Variants in XNDC1N observed in about 807,000 individuals in gnomAD.
XNDC1N encodes protein XNDC1N.
the XNDC1N span, chr11:71,915,974 CG>C: frequency 1.6e-6 from 1 of 630,470 alleles, no homozygotes; most frequent in South Asian, 1.8e-5. Context: ...TGTGTGTGTA[CG>C]TGTGTGTGTG....
chr11:71,898,324 T>G, the XNDC1N span, among the ~76,000 whole-genome samples: 2 of 152,052 alleles, frequency 1.3e-5, no homozygotes, highest in East Asian at 1.9e-4. Flanking sequence ...AGGATAAACA[T>G]GCCCAGTCTC....
At chr11:71,912,700 G>GT in the XNDC1N span, among the ~76,000 whole-genome samples, 1 of 152,080 alleles carries the variant, frequency 6.6e-6, no homozygotes, top group Admixed American at 6.5e-5. Flanking sequence ...CCCCTTTCAT[G>GT]TTTGATATCA....
the XNDC1N span, chr11:71,893,872 A>T: frequency 2.2e-6 from 2 of 916,566 alleles, no homozygotes; most frequent in Non-Finnish European, 3.1e-6. Context: ...CTACCCAGTC[A>T]TCGTGAATCC....
chr11:71,871,112 A>T, the XNDC1N span, among the ~76,000 whole-genome samples: 2 of 152,228 alleles, frequency 1.3e-5, no homozygotes, highest in Non-Finnish European at 2.9e-5. Flanking sequence ...GCAATAGTCA[A>T]GTTTTGGAAT....
At chr11:71,866,690 G>C in the XNDC1N span, among the ~76,000 whole-genome samples, 2 of 152,022 alleles carry the variant, frequency 1.3e-5, no homozygotes, top group African/African-American at 2.4e-5. Flanking sequence ...CTTAAACCCA[G>C]GAGGGAGAGG....
At chr11:71,895,090 C>T in the XNDC1N span, among the ~76,000 whole-genome samples, 1 of 149,056 alleles carries the variant, frequency 6.7e-6, no homozygotes, top group African/African-American at 2.5e-5. Context: ...ATTCTGATTT[C>T]CTTGCACCTG....
the XNDC1N span, among the ~76,000 whole-genome samples, chr11:71,896,737 A>G: frequency 0.35 from 52,865 of 151,810 alleles, 11,541 homozygotes; most frequent in South Asian, 0.51. Context: ...CTAATGTTGT[A>G]TTTCTGGTAG....
chr11:71,917,755 A>T, the XNDC1N span: 1 of 703,310 alleles, frequency 1.4e-6, no homozygotes, highest in Non-Finnish European at 2.6e-6. Flanking sequence ...ATCAATTTGC[A>T]GGAACGCACA....
the XNDC1N span, chr11:71,927,811 T>A: frequency 6.6e-6 from 1 of 152,346 alleles, no homozygotes; most frequent in Non-Finnish European, 1.5e-5. Context: ...ATTCTCCGTA[T>A]TAAGTGTCAC....
the XNDC1N span, among the ~76,000 whole-genome samples, chr11:71,887,126 T>G: frequency 1.3e-5 from 2 of 152,182 alleles, no homozygotes; most frequent in Non-Finnish European, 2.9e-5. Flanking sequence ...CTGGTCACAA[T>G]GACAGTCGGG....
At chr11:71,894,944 T>C in the XNDC1N span, among the ~76,000 whole-genome samples, 3 of 152,222 alleles carry the variant, frequency 2.0e-5, no homozygotes, top group African/African-American at 7.2e-5. Flanking sequence ...ATGTGGAATT[T>C]CTTTATAAAC....
the XNDC1N span, among the ~76,000 whole-genome samples, chr11:71,867,121 TACTATGA>T: frequency 6.6e-6 from 1 of 151,922 alleles, no homozygotes; most frequent in Non-Finnish European, 1.5e-5. Context: ...TAAAGAGCAA[TACTATGA>T]ACACTAAAGC....
chr11:71,869,703 C>T, the XNDC1N span, among the ~76,000 whole-genome samples: 5 of 152,146 alleles, frequency 3.3e-5, no homozygotes, highest in African/African-American at 9.7e-5. Context: ...TCCTGAATCT[C>T]GATGATCTTC....
chr11:71,873,989 A>G, the XNDC1N span, among the ~76,000 whole-genome samples: 1 of 152,160 alleles, frequency 6.6e-6, no homozygotes, highest in Non-Finnish European at 1.5e-5. Flanking sequence ...CAATGGTGCA[A>G]TGACAGGGGA....
chr11:71,882,769 T>C, the XNDC1N span, among the ~76,000 whole-genome samples: 3 of 152,170 alleles, frequency 2.0e-5, no homozygotes, highest in African/African-American at 7.2e-5. Flanking sequence ...GAAAAGGAAA[T>C]AAATGGCATC....
chr11:71,879,456 G>C, the XNDC1N span, among the ~76,000 whole-genome samples: 2 of 152,106 alleles, frequency 1.3e-5, no homozygotes, highest in African/African-American at 4.8e-5. Context: ...TTAGATTACT[G>C]GTTGACTTAT....
At chr11:71,876,555 T>C in the XNDC1N span, among the ~76,000 whole-genome samples, 2 of 152,202 alleles carry the variant, frequency 1.3e-5, no homozygotes, top group Admixed American at 1.3e-4. Flanking sequence ...TCCAAATCTC[T>C]TAGGTTGGTG....
At chr11:71,868,518 T>A in the XNDC1N span, among the ~76,000 whole-genome samples, 1 of 152,228 alleles carries the variant, frequency 6.6e-6, no homozygotes, top group Admixed American at 6.5e-5. Flanking sequence ...AAAAGGATTT[T>A]ATTTCTCCTT....
chr11:71,911,531 C>G, the XNDC1N span, among the ~76,000 whole-genome samples: 2 of 152,194 alleles, frequency 1.3e-5, no homozygotes, highest in African/African-American at 4.8e-5. Context: ...GTTGAAGCCA[C>G]ATCGTTGCCC....
Sources: allele counts gnomAD v4.1 joint callset (sites outside exome capture counted in the v4.1 genomes callset), GRCh38; gene constraint gnomAD v4.1.1; transcripts MANE v1.5; gene names NCBI Gene and HGNC (gene_info 2026-07-23, HGNC 2026-07-21).